Variants in DISP1 observed in about 807,000 individuals in gnomAD.
DISP1 encodes protein dispatched homolog 1.
In DISP1, 30 loss-of-function variants were observed where a neutral mutation model predicts 37.3. The ratio of observed to expected loss-of-function variants is 0.80; its 90% CI spans 0.60 to 1.09. The LOEUF (loss-of-function observed/expected upper bound fraction) is 1.09, where lower values mean the gene tolerates loss of function less well. Among genes scored for constraint, DISP1 ranks in the 50% least tolerant of loss-of-function variants. The pLI is 0.00. For synonymous variants in DISP1, 634 were observed against 690.2 expected, an observed-to-expected ratio of 0.92 and a Z score of 1.28; for missense variants, 1,598 against 1,879.5, an observed-to-expected ratio of 0.85 and a Z score of 2.77.
At chr1:222,868,059 A>G (rs1669298055) in intron 1 of DISP1, among the ~76,000 whole-genome samples, 1 of 152,166 alleles carries the variant, frequency 6.6e-6, no homozygotes, top group Non-Finnish European at 1.5e-5. Context: ...TGTTATGTCT[A>G]TACTGTGTAA....
chr1:222,900,909 G>T (rs948937113), intron 1 of DISP1, among the ~76,000 whole-genome samples: 2 of 152,120 alleles, frequency 1.3e-5, no homozygotes, highest in Non-Finnish European at 2.9e-5. Context: ...CTTGTTTTGT[G>T]TTATTTTTAA....
At chr1:222,898,510 A>G (rs1328606085) in intron 1 of DISP1, among the ~76,000 whole-genome samples, 1 of 149,576 alleles carries the variant, frequency 6.7e-6, no homozygotes, top group Non-Finnish European at 1.5e-5. Context: ...TAATACACTT[A>G]TCCCTTAAAC....
intron 1 of DISP1, among the ~76,000 whole-genome samples, chr1:222,820,452 G>T (rs1662561382): frequency 6.6e-6 from 1 of 152,158 alleles, no homozygotes. Context: ...TACTGAGAGG[G>T]CTTCCTTTCT....
chr1:222,906,980 C>T (rs761175546), intron 1 of DISP1, among the ~76,000 whole-genome samples: 16 of 152,116 alleles, frequency 1.1e-4, no homozygotes, highest in Admixed American at 2.0e-4. Flanking sequence ...AGATTTTGAC[C>T]TTGGTCTTTT....
intron 1 of DISP1, among the ~76,000 whole-genome samples, chr1:222,892,487 G>A (rs766295759): frequency 1.3e-5 from 2 of 152,156 alleles, no homozygotes; most frequent in Non-Finnish European, 1.5e-5. Context: ...AGTTTTGACA[G>A]CAAAATCTTA....
chr1:222,949,070 TAA>T (rs1205623764), intron 3 of DISP1, among the ~76,000 whole-genome samples: 12 of 152,032 alleles, frequency 7.9e-5, no homozygotes, highest in African/African-American at 9.7e-5. Context: ...GTGTTTTTTT[TAA>T]AAAAAAATTC....
intron 4 of DISP1, among the ~76,000 whole-genome samples, chr1:222,989,680 A>G (rs771695840): frequency 1.3e-5 from 2 of 152,148 alleles, no homozygotes; most frequent in Non-Finnish European, 2.9e-5. Context: ...TAGTCAATAG[A>G]TAGTTATTGA....
chr1:222,982,013 T>C (rs1264280530), intron 3 of DISP1, among the ~76,000 whole-genome samples: 1 of 152,250 alleles, frequency 6.6e-6, no homozygotes, highest in Non-Finnish European at 1.5e-5. Context: ...CTGACAAATA[T>C]TAAATTATGA....
At chr1:222,857,162 T>C (rs574708122) in intron 1 of DISP1, among the ~76,000 whole-genome samples, 15 of 152,256 alleles carry the variant, frequency 9.9e-5, no homozygotes, top group African/African-American at 2.6e-4. Flanking sequence ...GAGGCTGAGG[T>C]GGGAGGATCC....
chr1:222,977,052 G>A (rs1014560264), intron 3 of DISP1, among the ~76,000 whole-genome samples: 3 of 151,946 alleles, frequency 2.0e-5, no homozygotes, highest in East Asian at 1.9e-4. Flanking sequence ...TTTTTGAGAC[G>A]GAGTTTCGCT....
chr1:222,991,904 A>T lies in DISP1; in HGVS notation c.792-109A>T, dbSNP rs980311290. Reference sequence around the variant, plus strand: ...CTTCTTCTAATCCTTTCAACTTAATATCAAGGACTAAGCAGGTCATGGCTT... The same window carrying T: ...CTTCTTCTAATCCTTTCAACTTAATTTCAAGGACTAAGCAGGTCATGGCTT... On this transcript the variant is annotated intron_variant, in intron 6 of 8. Coordinates refer to ENST00000675850, the MANE Select transcript of DISP1 (RefSeq NM_001377229.1). The T allele has an allele frequency of 1.2e-5, 11 of 917,006 alleles. No individual in the cohort carries two copies. The African/African-American group carries it at 1.8e-4, about 15-fold the overall frequency. 56.8% of individuals were successfully genotyped at this position (917,006 alleles called of 1,614,324 possible). A position where few individuals can be genotyped will look rare whatever the true frequency, so the allele number is the denominator to read the frequency against.
chr1:222,836,382 A>G (rs1028621271), intron 1 of DISP1, among the ~76,000 whole-genome samples: 2 of 152,208 alleles, frequency 1.3e-5, no homozygotes, highest in Non-Finnish European at 2.9e-5. Context: ...GTGCTTTCTT[A>G]TCATTTGGAA....
At chr1:222,998,707 A>G (rs1679242477) in intron 8 of DISP1, among the ~76,000 whole-genome samples, 1 of 152,116 alleles carries the variant, frequency 6.6e-6, no homozygotes, top group African/African-American at 2.4e-5. Context: ...GCTGGAAACC[A>G]TGTACTTGTT....
At chr1:222,860,591 A>C (rs1471004651) in intron 1 of DISP1, among the ~76,000 whole-genome samples, 1 of 152,054 alleles carries the variant, frequency 6.6e-6, no homozygotes, top group African/African-American at 2.4e-5. Flanking sequence ...GAAATAGTTG[A>C]AAGTGATTGC....
At chr1:222,983,825 A>G (rs180826251) in intron 4 of DISP1, among the ~76,000 whole-genome samples, 4 of 152,246 alleles carry the variant, frequency 2.6e-5, no homozygotes, top group Admixed American at 2.0e-4. Context: ...GGAAATGTCT[A>G]AGGCTTATCT....
chr1:222,997,323 C>T (rs755355968), intron 8 of DISP1, among the ~76,000 whole-genome samples: 7 of 152,110 alleles, frequency 4.6e-5, no homozygotes, highest in Non-Finnish European at 1.0e-4. Context: ...AAAAAGGATT[C>T]ACAATCAGTA....
At chr1:222,936,686 A>T (rs36198151) in intron 2 of DISP1, among the ~76,000 whole-genome samples, 22,746 of 96,920 alleles carry the variant, frequency 0.23, 3,303 homozygotes, top group South Asian at 0.48. Flanking sequence ...TAATATATAA[A>T]ATATATGATA....
At chr1:222,940,142 GA>G (rs901055746) in intron 2 of DISP1, among the ~76,000 whole-genome samples, 4 of 149,960 alleles carry the variant, frequency 2.7e-5, no homozygotes, top group Non-Finnish European at 5.9e-5. Flanking sequence ...AAAAAGAAAA[GA>G]AAAAAAAATA....
chr1:222,942,798 C>G lies in DISP1; in HGVS notation c.-17-9C>G. 1.2e-6 allele frequency: 2 copies of G among 1,614,056 alleles called. No individual in the cohort carries two copies. The highest frequency in any genetic ancestry group is 1.7e-6 in the Non-Finnish European group (2 of 1,180,012). On this transcript the variant is annotated splice_polypyrimidine_tract_variant and intron_variant, in intron 2 of 8. Transcript: ENST00000675850. The stretch of plus-strand genomic sequence containing the variant: ...TGTAACTGGGCGATTTTATGATTTT[C>G]TTACTTAGAGTCAAGAAATTGGAGC...
Sources: allele counts gnomAD v4.1 joint callset (sites outside exome capture counted in the v4.1 genomes callset), GRCh38; gene constraint gnomAD v4.1.1; transcripts MANE v1.5; gene names NCBI Gene and HGNC (gene_info 2026-07-23, HGNC 2026-07-21).